Variants in RGS7 observed in about 807,000 individuals in gnomAD.
The protein encoded by RGS7 is regulator of G protein signaling 7.
RGS7 carries 27 observed loss-of-function variants against 81.1 expected under a neutral mutation model. That is an observed-to-expected ratio of 0.33 (90% confidence interval 0.25 to 0.46). The LOEUF (loss-of-function observed/expected upper bound fraction) is 0.46, where lower values mean the gene tolerates loss of function less well. Among genes scored for constraint, RGS7 ranks in the 20% least tolerant of loss-of-function variants. The probability of loss-of-function intolerance (pLI) is 1.00; values close to 1 mark genes in which losing one functional copy is unlikely to be tolerated. For missense variants in RGS7, 396 were observed against 607.4 expected, an observed-to-expected ratio of 0.65 and a Z score of 3.66; for synonymous variants, 208 against 207.7, an observed-to-expected ratio of 1.00 and a Z score of -0.01.
At chr1:240,902,996 G>C (rs1489706349) in intron 6 of RGS7, among the ~76,000 whole-genome samples, 1 of 152,156 alleles carries the variant, frequency 6.6e-6, no homozygotes, top group Non-Finnish European at 1.5e-5. Flanking sequence ...TACTTTGAAA[G>C]TTTTCTACAG....
At chr1:241,292,039 C>T (rs74150251) in intron 2 of RGS7, among the ~76,000 whole-genome samples, 2,298 of 152,268 alleles carry the variant, frequency 0.015, 58 homozygotes, top group African/African-American at 0.053. Flanking sequence ...CCTCGGCCTA[C>T]ACAGGGTCCA....
chr1:241,285,787 T>C (rs542897280), intron 2 of RGS7, among the ~76,000 whole-genome samples: 15 of 152,340 alleles, frequency 9.8e-5, no homozygotes, highest in African/African-American at 3.6e-4. Flanking sequence ...GGACTCCCGA[T>C]TATTGTACAA....
At chr1:241,249,179 A>G (rs1236827802) in intron 2 of RGS7, among the ~76,000 whole-genome samples, 1 of 152,156 alleles carries the variant, frequency 6.6e-6, no homozygotes, top group Non-Finnish European at 1.5e-5. Context: ...TGTTGCATGC[A>G]GGAAAACTTT....
chr1:241,179,408 G>C (rs1441200576), intron 2 of RGS7, among the ~76,000 whole-genome samples: 1 of 152,042 alleles, frequency 6.6e-6, no homozygotes, highest in Non-Finnish European at 1.5e-5. Context: ...TTTAAACTTT[G>C]GCTGATAAAG....
rs867231790 is a variant in RGS7 at position 241,148,057 on chromosome 1, T to C, written c.79-49295A>G. On this transcript the variant is annotated intron_variant, in intron 2 of 18. Transcript: ENST00000440928. ...TTTTCTTTCTTTTCTTTTTCTTTTT[T>C]TTTTTTTTTTTTGAGACGGAGTCTC... is the stretch of plus-strand genomic sequence containing the variant. 1.1e-4 allele frequency among the ~76,000 whole-genome samples: 15 copies of C among 141,210 alleles called. No individual in the cohort carries two copies. The South Asian group carries it at 1.2e-3, about 11-fold the overall frequency. 92.6% of individuals were successfully genotyped at this position (141,210 alleles called of 152,430 possible).
chr1:240,784,633 A>G lies in RGS7; in HGVS notation c.*7-8420T>C, dbSNP rs560309300. Among the ~76,000 whole-genome samples the G allele has an allele frequency of 7.4e-3, 1,123 of 151,570 alleles. 8 individuals carry two copies. Among genetic ancestry groups the G allele is most frequent in the African/African-American group, 0.025 (1,015 of 41,160 alleles). ...TGCGCTCCAGCCTGGGCAACAGAAT[A>G]AGACTCCGCCTCAAAAAAAAAAAGA... On this transcript the variant is annotated intron_variant, in intron 18 of 18. Coordinates refer to ENST00000440928, the MANE Select transcript of RGS7 (RefSeq NM_001364886.1).
chr1:241,202,880 T>C lies in RGS7; in HGVS notation c.79-104118A>G, dbSNP rs144507474. 7.1e-4 allele frequency among the ~76,000 whole-genome samples: 108 copies of C among 152,144 alleles called. 1 individual carries two copies. The highest frequency in any genetic ancestry group is 2.3e-3 in the African/African-American group (94 of 41,504). Reference sequence around the variant, plus strand: ...GGAATTCTAGTTTCTATGCCTAACCTTGGGGGAGAGTAAGAGGCCAGAGAC... The same window carrying C: ...GGAATTCTAGTTTCTATGCCTAACCCTGGGGGAGAGTAAGAGGCCAGAGAC... On this transcript the variant is annotated intron_variant, in intron 2 of 18. Transcript: ENST00000440928.
intron 2 of RGS7, among the ~76,000 whole-genome samples, chr1:241,206,919 C>T (rs574908210): frequency 4.6e-5 from 7 of 151,214 alleles, no homozygotes; most frequent in African/African-American, 1.5e-4. Flanking sequence ...TTTCTCCCTC[C>T]CTCCCTCTCT....
chr1:241,219,767 T>A (rs916016246), intron 2 of RGS7, among the ~76,000 whole-genome samples: 1 of 151,202 alleles, frequency 6.6e-6, no homozygotes, highest in Non-Finnish European at 1.5e-5. Flanking sequence ...TTGTTAAGCC[T>A]TTATTCACAA....
At chr1:241,110,137 TA>T (rs2065414961) in intron 2 of RGS7, among the ~76,000 whole-genome samples, 1 of 152,234 alleles carries the variant, frequency 6.6e-6, no homozygotes, top group South Asian at 2.1e-4. Context: ...TTTCAACAAC[TA>T]AACTAGTCTA....
chr1:241,071,077 T>C (rs368957748), intron 3 of RGS7, among the ~76,000 whole-genome samples: 3 of 152,228 alleles, frequency 2.0e-5, no homozygotes, highest in Non-Finnish European at 4.4e-5. Context: ...CTGGTACTTT[T>C]ACTTTTTTTC....
At chr1:241,161,079 A>T (rs559683422) in intron 2 of RGS7, among the ~76,000 whole-genome samples, 7 of 152,150 alleles carry the variant, frequency 4.6e-5, no homozygotes, top group Admixed American at 2.0e-4. Flanking sequence ...TGATTTAAGA[A>T]ATCTTCAACT....
At chr1:241,122,081 A>C (rs994982305) in intron 2 of RGS7, among the ~76,000 whole-genome samples, 4 of 152,080 alleles carry the variant, frequency 2.6e-5, no homozygotes, top group Non-Finnish European at 5.9e-5. Context: ...TCACTTATAC[A>C]TTGCTTTTGT....
chr1:240,937,488 C>T (rs1279921069), intron 4 of RGS7, among the ~76,000 whole-genome samples: 1 of 152,168 alleles, frequency 6.6e-6, no homozygotes, highest in African/African-American at 2.4e-5. Flanking sequence ...CCATGACCAA[C>T]CTCATCCAAT....
chr1:240,868,117 G>GGAAAGAAAAAGAAAGAAAGAAA lies in RGS7; in HGVS notation c.609+469_609+470insTTTCTTTCTTTCTTTTTCTTTC, dbSNP rs1663727957. Among the ~76,000 whole-genome samples, 1 of 122,444 alleles carries GGAAAGAAAAAGAAAGAAAGAAA rather than the reference G, an allele frequency of 8.2e-6. No homozygotes were observed. Among genetic ancestry groups the GGAAAGAAAAAGAAAGAAAGAAA allele is most frequent in the Non-Finnish European group, 1.6e-5 (1 of 62,724 alleles). The allele number at this position is 122,444 out of a possible 152,430, so 80.3% of individuals were successfully genotyped here. ...GAAAAGAAAAAGAAAGAAAAGAAAA[G>GGAAAGAAAAAGAAAGAAAGAAA]GAAAGAAAGAAAGAAAGAAAGAAAG... On this transcript the variant is annotated intron_variant, in intron 9 of 18. Transcript: ENST00000440928. The surrounding 1 kb of genome is among the most constrained non-coding windows in gnomAD (Gnocchi z 5.1).
At chr1:240,824,070 GA>G (rs1227301549) in intron 10 of RGS7, among the ~76,000 whole-genome samples, 1 of 152,098 alleles carries the variant, frequency 6.6e-6, no homozygotes, top group Admixed American at 6.5e-5. Flanking sequence ...AGAAAGACTT[GA>G]AAATAGACTA....
chr1:241,235,511 A>G (rs2075880837), intron 2 of RGS7, among the ~76,000 whole-genome samples: 1 of 152,198 alleles, frequency 6.6e-6, no homozygotes, highest in Admixed American at 6.5e-5. Context: ...ATGAATGAAT[A>G]AACTCCAACA....
chr1:241,225,020 G>C (rs555257696), intron 2 of RGS7, among the ~76,000 whole-genome samples: 2 of 151,876 alleles, frequency 1.3e-5, no homozygotes, highest in Non-Finnish European at 2.9e-5. Context: ...TTATATAAAT[G>C]TAAGGGATAC....
rs150660173 is a variant in RGS7, at chr1:240,777,639, G to C, written c.*7-1426C>G. Among the ~76,000 whole-genome samples the C allele has an allele frequency of 4.9e-3, 747 of 152,258 alleles. 6 individuals carry two copies. The highest frequency in any genetic ancestry group is 0.017 in the African/African-American group (698 of 41,552). Reference sequence around the variant, plus strand: ...AAACAACAGAAATTTATTTCTTATAGGACTGGGAAGTCCAAGATCTAGACA... The same window carrying C: ...AAACAACAGAAATTTATTTCTTATACGACTGGGAAGTCCAAGATCTAGACA... On this transcript the variant is annotated intron_variant, in intron 18 of 18. Coordinates refer to ENST00000440928, the MANE Select transcript of RGS7 (RefSeq NM_001364886.1).
Sources: gnomAD v4.1 joint callset for allele counts (sites outside exome capture counted in the v4.1 genomes callset) on GRCh38, gnomAD v4.1.1 for gene constraint, Gnocchi (gnomAD v3.1) non-coding constraint, MANE v1.5 for transcripts, NCBI Gene and HGNC (gene_info 2026-07-23, HGNC 2026-07-21) for gene names.